Variants in COG5 observed in about 807,000 individuals in gnomAD.
COG5 encodes conserved oligomeric Golgi complex subunit 5.
In COG5, 86 loss-of-function variants were observed where a neutral mutation model predicts 110.4. The observed-to-expected ratio is 0.78, with a 90% CI of 0.65 to 0.93. The LOEUF is 0.93. Among genes scored for constraint, COG5 ranks in the 40% least tolerant of loss-of-function variants. COG5 has a pLI of 0.00. For synonymous variants in COG5, 360 were observed against 334.6 expected, an observed-to-expected ratio of 1.08 and a Z score of -0.83; for missense variants, 1,077 against 987.0, an observed-to-expected ratio of 1.09 and a Z score of -1.22.
At chr7:107,425,056 A>G (rs903055153) in intron 6 of COG5, among the ~76,000 whole-genome samples, 3 of 152,164 alleles carry the variant, frequency 2.0e-5, no homozygotes, top group Admixed American at 2.0e-4. Context: ...AATATAATAT[A>G]TAACATTTCC....
intron 6 of COG5, among the ~76,000 whole-genome samples, chr7:107,502,318 C>A (rs1175297415): frequency 6.6e-6 from 1 of 152,064 alleles, no homozygotes. Flanking sequence ...CCAGCTTAAT[C>A]CATGTTGCTG....
At chr7:107,227,359 G>C (rs1800420577) in intron 19 of COG5, among the ~76,000 whole-genome samples, 1 of 151,964 alleles carries the variant, frequency 6.6e-6, no homozygotes, top group Non-Finnish European at 1.5e-5. Flanking sequence ...CTTTTACTGT[G>C]GGTCATGGTC....
At chr7:107,520,031 C>T (rs1193113154) in intron 6 of COG5, among the ~76,000 whole-genome samples, 1 of 152,038 alleles carries the variant, frequency 6.6e-6, no homozygotes, top group Admixed American at 6.6e-5. Context: ...TAAACAGAAC[C>T]AATGACAAAA....
intron 5 of COG5, among the ~76,000 whole-genome samples, chr7:107,530,683 C>T (rs1285362119): frequency 6.7e-6 from 1 of 149,188 alleles, no homozygotes; most frequent in Non-Finnish European, 1.5e-5. Flanking sequence ...TCTCTACTTA[C>T]AGATTATGTT....
chr7:107,424,979 T>C (rs1055514990), intron 6 of COG5, among the ~76,000 whole-genome samples: 1 of 152,150 alleles, frequency 6.6e-6, no homozygotes, highest in Non-Finnish European at 1.5e-5. Context: ...AAACACAAAA[T>C]TAAGTAGGTA....
intron 6 of COG5, among the ~76,000 whole-genome samples, chr7:107,445,827 C>T (rs1057316086): frequency 6.6e-6 from 1 of 152,162 alleles, no homozygotes; most frequent in Non-Finnish European, 1.5e-5. Flanking sequence ...TAATCATGCG[C>T]TAGGCACTAT....
intron 5 of COG5, among the ~76,000 whole-genome samples, chr7:107,537,331 A>C (rs925595032): frequency 6.6e-6 from 1 of 152,222 alleles, no homozygotes; most frequent in African/African-American, 2.4e-5. Flanking sequence ...AAAGACTTGG[A>C]ACCAACCCAG....
At chr7:107,236,791 T>C in intron 17 of COG5, 104 bp from the exon 18 acceptor site, 1 of 811,118 alleles carries the variant, frequency 1.2e-6, no homozygotes, top group South Asian at 1.4e-5. Flanking sequence ...TCCTTTGTAA[T>C]GTTTTCCCTT....
At chr7:107,221,529 C>A (rs1270104381) in intron 19 of COG5, among the ~76,000 whole-genome samples, 1 of 151,980 alleles carries the variant, frequency 6.6e-6, no homozygotes, top group East Asian at 1.9e-4. Flanking sequence ...CTTTGGGAGG[C>A]CGAGGCAGGC....
chr7:107,431,275 A>C (rs1252262603), intron 6 of COG5, among the ~76,000 whole-genome samples: 3 of 152,248 alleles, frequency 2.0e-5, no homozygotes, highest in Non-Finnish European at 4.4e-5. Flanking sequence ...ATGTAGCAAA[A>C]ATAAAAAAGA....
chr7:107,309,577 T>G (rs1239258038), intron 11 of COG5, among the ~76,000 whole-genome samples: 4 of 151,968 alleles, frequency 2.6e-5, no homozygotes, highest in African/African-American at 9.7e-5. Flanking sequence ...AGTTCATGGG[T>G]TGTGGGGGCA....
At chr7:107,240,944 G>C (rs111253932) in intron 17 of COG5, among the ~76,000 whole-genome samples, 4 of 152,172 alleles carry the variant, frequency 2.6e-5, no homozygotes, top group African/African-American at 9.7e-5. Flanking sequence ...ACACTGAGCT[G>C]AAATGGAGTC....
At chr7:107,550,117 C>T (rs1348206314) in intron 3 of COG5, among the ~76,000 whole-genome samples, 1 of 152,124 alleles carries the variant, frequency 6.6e-6, no homozygotes, top group African/African-American at 2.4e-5. Flanking sequence ...GCTATGTCAT[C>T]TCCATTACTC....
chr7:107,357,673 C>T (rs1812750004), intron 10 of COG5, among the ~76,000 whole-genome samples: 2 of 150,754 alleles, frequency 1.3e-5, no homozygotes, highest in South Asian at 4.2e-4. Flanking sequence ...TTCTCTCCTT[C>T]TCTCTCTTTC....
Position 107,202,588 on chromosome 7 carries a change from C to A in COG5, c.*928G>T, listed in dbSNP as rs1387311256. On this transcript the variant is annotated 3_prime_UTR_variant, in exon 22 of 22. Transcript: ENST00000297135. ...TGGCTGAATTTTATTTATGAGTTCT[C>A]AGAATAACAGGTTCAGGAGATGAGA... 10 of 152,312 alleles carry A rather than the reference C, an allele frequency of 6.6e-5. No individual in the cohort carries two copies. Among genetic ancestry groups the A allele is most frequent in the Non-Finnish European group, 1.3e-4 (9 of 68,004 alleles). 9.4% of individuals were successfully genotyped at this position (152,312 alleles called of 1,614,324 possible). A position where few individuals can be genotyped will look rare whatever the true frequency, so the allele number is the denominator to read the frequency against.
chr7:107,379,450 T>C (rs951971041), intron 7 of COG5, among the ~76,000 whole-genome samples: 3 of 152,028 alleles, frequency 2.0e-5, no homozygotes, highest in Non-Finnish European at 2.9e-5. Flanking sequence ...ATGGGCTAAA[T>C]GCCCCAATTA....
At position 107,298,326 on chromosome 7, in the gene COG5, C is replaced by T; in HGVS notation, c.1129G>A (p.Ala377Thr). The T allele has an allele frequency of 1.2e-6, 2 of 1,613,260 alleles. No individual in the cohort carries two copies. The highest frequency in any genetic ancestry group is 1.7e-6 in the Non-Finnish European group (2 of 1,179,578). Residue 377 changes from alanine to threonine, a missense_variant, in exon 12 of 22, where the codon GCA becomes ACA. Physicochemically the swap from Ala to Thr is moderately conservative, Grantham distance 58. Coordinates refer to ENST00000297135, the MANE Select transcript of COG5 (RefSeq NM_006348.5). The part of the protein sequence containing the change: ...ATNSSMFLKQ[A>T]FEGEYPKLLR... The stretch of plus-strand genomic sequence containing the variant: ...AATTTAGGGTATTCTCCTTCAAATG[C>T]CTGCTTCAAAAACATCGAAGCTGCC...
At chr7:107,390,899 CCTT>C (rs1327240507) in intron 7 of COG5, among the ~76,000 whole-genome samples, 9 of 151,484 alleles carry the variant, frequency 5.9e-5, no homozygotes, top group Non-Finnish European at 1.3e-4. Context: ...GTCAAATAAA[CCTT>C]CTTGGAAGGC....
intron 19 of COG5, among the ~76,000 whole-genome samples, chr7:107,230,100 C>T (rs1800673547): frequency 6.6e-6 from 1 of 152,060 alleles, no homozygotes; most frequent in South Asian, 2.1e-4. Flanking sequence ...ATCCACCTGC[C>T]TCGGCCTCCC....
Sources: gnomAD v4.1 joint callset for allele counts (sites outside exome capture counted in the v4.1 genomes callset) on GRCh38, gnomAD v4.1.1 for gene constraint, MANE v1.5 for transcripts, NCBI Gene and HGNC (gene_info 2026-07-23, HGNC 2026-07-21) for gene names.